DPY19L1: variants seen among roughly 807,000 people sequenced by gnomAD.
The protein encoded by DPY19L1 is protein C-mannosyl-transferase DPY19L1.
DPY19L1 carries 35 observed loss-of-function variants against 96.9 expected under a neutral mutation model. That is an observed-to-expected ratio of 0.36 (90% CI 0.28 to 0.48). DPY19L1 has a LOEUF of 0.48. Ranked by LOEUF, DPY19L1 falls within the 20% of genes least tolerant of loss-of-function variation. The probability of loss-of-function intolerance (pLI) is 0.99; values close to 1 mark genes in which losing one functional copy is unlikely to be tolerated. For synonymous variants in DPY19L1, 205 were observed against 252.6 expected (o/e 0.81, Z 1.79); for missense variants, 521 against 777.9 (o/e 0.67, Z 3.93).
chr7:34,977,212 T>C (rs1784849269), intron 7 of DPY19L1, among the ~76,000 whole-genome samples: 1 of 152,204 alleles, frequency 6.6e-6, no homozygotes, highest in Admixed American at 6.5e-5. Context: ...ACGATATTCA[T>C]TTTACGGTAT....
At chr7:35,030,269 A>G (rs1786229163) in intron 1 of DPY19L1, among the ~76,000 whole-genome samples, 1 of 152,246 alleles carries the variant, frequency 6.6e-6, no homozygotes, top group South Asian at 2.1e-4. Flanking sequence ...GAGTAGTAGC[A>G]CTTTGGACAA....
chr7:35,031,020 C>G (rs1786247325), intron 1 of DPY19L1, among the ~76,000 whole-genome samples: 1 of 152,100 alleles, frequency 6.6e-6, no homozygotes. Context: ...AATGGTTTGG[C>G]TGAAGTACAA....
At chr7:34,977,095 T>G (rs938109977) in intron 7 of DPY19L1, among the ~76,000 whole-genome samples, 1 of 152,212 alleles carries the variant, frequency 6.6e-6, no homozygotes, top group African/African-American at 2.4e-5. Flanking sequence ...GTATGTACAT[T>G]GTTTTTTAGA....
intron 6 of DPY19L1, among the ~76,000 whole-genome samples, chr7:34,999,736 G>C (rs1785379107): frequency 6.6e-6 from 1 of 152,176 alleles, no homozygotes. Context: ...TTCAGCTGTA[G>C]ATCTGGAGAG....
At chr7:34,988,920 C>T (rs938453623) in intron 7 of DPY19L1, among the ~76,000 whole-genome samples, 2 of 152,220 alleles carry the variant, frequency 1.3e-5, no homozygotes, top group African/African-American at 2.4e-5. Context: ...CCAAACACTG[C>T]TCTAGGCATT....
intron 13 of DPY19L1, among the ~76,000 whole-genome samples, chr7:34,950,510 A>G (rs1784247202): frequency 6.6e-6 from 1 of 152,226 alleles, no homozygotes; most frequent in South Asian, 2.1e-4. Context: ...ACTAGGGCAC[A>G]AAGACATAAA....
At chr7:35,002,433 G>GA (rs1785450077) in intron 6 of DPY19L1, among the ~76,000 whole-genome samples, 1 of 151,262 alleles carries the variant, frequency 6.6e-6, no homozygotes, top group Non-Finnish European at 1.5e-5. Context: ...AAAAATGGGG[G>GA]GAAAAAAAAG....
intron 1 of DPY19L1, among the ~76,000 whole-genome samples, chr7:35,024,410 C>T (rs536171630): frequency 3.3e-5 from 5 of 152,280 alleles, no homozygotes; most frequent in Admixed American, 1.3e-4. Flanking sequence ...TACAAGGGTT[C>T]GTTTTGAGTT....
At chr7:34,987,160 TGTAAAA>T (rs1335691840) in intron 7 of DPY19L1, among the ~76,000 whole-genome samples, 2 of 152,076 alleles carry the variant, frequency 1.3e-5, no homozygotes, top group Non-Finnish European at 1.5e-5. Context: ...GTGTGCATCT[TGTAAAA>T]GAAAACATTT....
At chr7:34,986,218 A>C (rs956101833) in intron 7 of DPY19L1, among the ~76,000 whole-genome samples, 3 of 151,988 alleles carry the variant, frequency 2.0e-5, no homozygotes, top group African/African-American at 7.2e-5. Flanking sequence ...CAGGAGGAAT[A>C]AGTTTTAATG....
intron 9 of DPY19L1, among the ~76,000 whole-genome samples, chr7:34,969,128 T>C (rs1013915242): frequency 1.3e-5 from 2 of 152,172 alleles, no homozygotes; most frequent in Non-Finnish European, 2.9e-5. Context: ...CTAGTCCTCT[T>C]TTAAGCACTT....
intron 6 of DPY19L1, among the ~76,000 whole-genome samples, chr7:35,007,212 G>T (rs998661094): frequency 6.6e-6 from 1 of 152,142 alleles, no homozygotes; most frequent in South Asian, 2.1e-4. Context: ...ATATACATCA[G>T]GATCAATTTT....
intron 4 of DPY19L1, among the ~76,000 whole-genome samples, chr7:35,012,266 T>C (rs1785730868): frequency 6.6e-6 from 1 of 152,214 alleles, no homozygotes; most frequent in Non-Finnish European, 1.5e-5. Flanking sequence ...GCCCAGGGAC[T>C]GGATGAGGCC....
At chr7:35,022,951 G>A (rs943138616) in intron 1 of DPY19L1, among the ~76,000 whole-genome samples, 8 of 152,176 alleles carry the variant, frequency 5.3e-5, no homozygotes, top group Admixed American at 2.0e-4. Context: ...TCCCCTCGGA[G>A]AGATTTCCCT....
intron 6 of DPY19L1, among the ~76,000 whole-genome samples, chr7:34,995,038 G>A (rs868706312): frequency 4.4e-4 from 67 of 152,202 alleles, no homozygotes; most frequent in African/African-American, 1.6e-3. Flanking sequence ...AAAAGAGGCC[G>A]ATTTTTTTCT....
Position 34,947,697 on chromosome 7 carries a change from G to A in DPY19L1, c.1427C>T (p.Pro476Leu). ...AEFDFMEKET[P>L]LRYTKTLLLP... ...CAATAATGTCTTTGTGTATCTCAGT[G>A]GAGTCTGAAATTCAAAGAGATGTTT... The change falls in exon 15 of 22, where the codon CCA becomes CTA. Residue 476 changes from proline to leucine, a missense_variant. By Grantham distance (98) the Pro-to-Leu change is moderately conservative. Transcript: ENST00000638088. 7 of 1,607,236 alleles carry A rather than the reference G, an allele frequency of 4.4e-6. No homozygotes were observed. Among genetic ancestry groups the A allele is most frequent in the Non-Finnish European group, 5.9e-6 (7 of 1,177,564 alleles).
At chr7:35,010,017 C>T (rs543014457) in intron 6 of DPY19L1, among the ~76,000 whole-genome samples, 8 of 152,100 alleles carry the variant, frequency 5.3e-5, no homozygotes, top group Admixed American at 2.0e-4. Context: ...TCACTCAAGC[C>T]CAGGAAGTTG....
At chr7:35,017,397 A>G (rs1387987127) in intron 3 of DPY19L1, among the ~76,000 whole-genome samples, 1 of 151,104 alleles carries the variant, frequency 6.6e-6, no homozygotes, top group Non-Finnish European at 1.5e-5. Flanking sequence ...GGGGAGGCTG[A>G]GGCAGGAGAA....
intron 1 of DPY19L1, 79 bp from the exon 2 acceptor site, chr7:35,018,675 G>A (rs1785917976): frequency 2.3e-6 from 3 of 1,283,954 alleles, no homozygotes; most frequent in African/African-American, 1.5e-5. Flanking sequence ...CAAAGATAAA[G>A]CATGTCAAAT....
Sources: allele counts gnomAD v4.1 joint callset (sites outside exome capture counted in the v4.1 genomes callset), GRCh38; gene constraint gnomAD v4.1.1; transcripts MANE v1.5; gene names NCBI Gene and HGNC (gene_info 2026-07-23, HGNC 2026-07-21).